PEX1: variants seen among roughly 807,000 people sequenced by gnomAD.
The protein encoded by PEX1 is peroxisomal biogenesis factor 1.
In PEX1, 97 loss-of-function variants were observed where a neutral mutation model predicts 152.5. That is an observed-to-expected ratio of 0.64 (90% CI 0.54 to 0.75). The LOEUF is 0.75. Ranked by LOEUF, PEX1 falls within the 30% of genes least tolerant of loss-of-function variation. The probability of loss-of-function intolerance (pLI) is 0.00; values close to 1 mark genes in which losing one functional copy is unlikely to be tolerated. For missense variants in PEX1, 1,357 were observed against 1,516.3 expected, an observed-to-expected ratio of 0.89 and a Z score of 1.74; for synonymous variants, 485 against 531.6, an observed-to-expected ratio of 0.91 and a Z score of 1.21.
chr7:92,502,125 G>T (rs748185213), intron 13 of PEX1, 46 bp from the exon 14 acceptor site: 2 of 1,283,088 alleles, frequency 1.6e-6, no homozygotes, highest in Non-Finnish European at 1.1e-6. Context: ...GTATTCAACT[G>T]TATATTTTTG....
At chr7:92,493,991 G>C (rs2116088942) in intron 19 of PEX1, 1 of 326,810 alleles carries the variant, frequency 3.1e-6, no homozygotes, top group Non-Finnish European at 5.8e-6. Context: ...ACAGGATAAT[G>C]GAAGTATGTA....
chr7:92,499,103 G>A (rs1305994898), intron 16 of PEX1, among the ~76,000 whole-genome samples: 1 of 152,160 alleles, frequency 6.6e-6, no homozygotes, highest in African/African-American at 2.4e-5. Context: ...TGGAGAATCA[G>A]GAACCCCCCA....
chr7:92,503,988 TCCTGTA>T (rs1239301339), intron 12 of PEX1, among the ~76,000 whole-genome samples: 1 of 152,130 alleles, frequency 6.6e-6, no homozygotes, highest in Non-Finnish European at 1.5e-5. Flanking sequence ...TATCATTACT[TCCTGTA>T]CCTCTGTGCT....
At chr7:92,520,133 G>A (rs903681721) in intron 2 of PEX1, among the ~76,000 whole-genome samples, 1 of 151,820 alleles carries the variant, frequency 6.6e-6, no homozygotes, top group African/African-American at 2.4e-5. Context: ...AAAGCAAATG[G>A]GAGTTAAAAA....
rs1792894865 is a variant in PEX1, at chr7:92,518,236, A to AG, written c.376dup (p.Leu126ProfsTer2). 1 of 1,610,536 alleles carries AG rather than the reference A, an allele frequency of 6.2e-7. No individual in the cohort carries two copies. Among genetic ancestry groups the AG allele is most frequent in the South Asian group, 1.1e-5 (1 of 90,998 alleles). The stretch of plus-strand genomic sequence containing the variant: ...AATTTGATCTAGAAGATGTTGTTCA[A>AG]GGGAAACAGCATGCAGCTCCTAGAA... On this transcript the variant is annotated frameshift_variant, in exon 4 of 24. Transcript: ENST00000248633. LOFTEE classifies it high-confidence loss of function.
At chr7:92,502,158 G>T in intron 13 of PEX1, 79 bp from the exon 14 acceptor site, 1 of 1,052,616 alleles carries the variant, frequency 9.5e-7, no homozygotes, top group Non-Finnish European at 1.4e-6. Flanking sequence ...GAGAAAATCA[G>T]GTTGACAAAT....
intron 15 of PEX1, 58 bp from the exon 16 acceptor site, chr7:92,499,896 A>T (rs1366854437): frequency 3.6e-6 from 5 of 1,404,412 alleles, no homozygotes; most frequent in Non-Finnish European, 5.0e-6. Flanking sequence ...GAAATGACTA[A>T]GTAGCAGCTA....
Position 92,522,103 on chromosome 7 carries a change from T to A in PEX1, c.272A>T (p.Gln91Leu). 6.2e-7 allele frequency: 1 copy of A among 1,613,970 alleles called. No homozygotes were observed. The highest frequency in any genetic ancestry group is 1.6e-4 in the Middle Eastern group (1 of 6,062). Residue 91 changes from glutamine to leucine, a missense_variant and splice_region_variant, in exon 2 of 24, where the codon CAG (glutamine) becomes CTG (leucine). Gln to Leu is a moderately radical substitution (Grantham distance 113, BLOSUM62 -2). Coordinates refer to ENST00000248633, the MANE Select transcript of PEX1 (RefSeq NM_000466.3). ...GTTATTGCCATCACATGTGCTTACC[T>A]GTCCCCCATTTGAGAGTCCAAGTTT... ...GQKLGLSNGG[Q>L]VFLKPCSHVV...
chr7:92,502,174 G>T, intron 13 of PEX1, 95 bp from the exon 14 acceptor site: 6 of 873,886 alleles, frequency 6.9e-6, no homozygotes, highest in Non-Finnish European at 1.1e-5. Flanking sequence ...CAAATCTATA[G>T]TGACAGAAAG....
intron 22 of PEX1, 38 bp from the exon 23 acceptor site, chr7:92,489,461 A>G: frequency 1.3e-6 from 2 of 1,588,458 alleles, no homozygotes; most frequent in Non-Finnish European, 1.7e-6. Flanking sequence ...AGTTAAATTA[A>G]GGATGTAAAA....
chr7:92,491,209 C>T (rs887764812), intron 21 of PEX1, 63 bp downstream of exon 21: 9 of 1,163,944 alleles, frequency 7.7e-6, no homozygotes, highest in Non-Finnish European at 1.2e-5. Flanking sequence ...GAAATCACTG[C>T]AACTTTACAC....
chr7:92,522,873 A>C (rs1562870410), intron 1 of PEX1, among the ~76,000 whole-genome samples: 1 of 152,208 alleles, frequency 6.6e-6, no homozygotes. Context: ...ACAAAAGGGT[A>C]AAATGTGAAG....
chr7:92,502,799 T>C (rs1255416538), intron 13 of PEX1, among the ~76,000 whole-genome samples: 1 of 152,220 alleles, frequency 6.6e-6, no homozygotes, highest in African/African-American at 2.4e-5. Flanking sequence ...CTCTCTGTTC[T>C]TTCTCATTCA....
At chr7:92,506,529 G>A in intron 10 of PEX1, 185 bp from the exon 11 acceptor site, 1 of 592,738 alleles carries the variant, frequency 1.7e-6, no homozygotes, top group East Asian at 2.9e-5. Context: ...AGCAAAACCA[G>A]ACAAAGACAA....
intron 1 of PEX1, among the ~76,000 whole-genome samples, chr7:92,525,019 G>C (rs1341438907): frequency 6.6e-6 from 1 of 152,172 alleles, no homozygotes; most frequent in East Asian, 1.9e-4. Flanking sequence ...GAACCTTATT[G>C]AGGAGGAAAA....
At chr7:92,504,603 C>A in intron 12 of PEX1, 129 bp downstream of exon 12, 4 of 927,568 alleles carry the variant, frequency 4.3e-6, no homozygotes, top group Non-Finnish European at 5.0e-6. Flanking sequence ...AGAATGCCAT[C>A]AGGGGCCTCA....
At chr7:92,503,302 C>G in intron 12 of PEX1, 107 bp from the exon 13 acceptor site, 2 of 929,364 alleles carry the variant, frequency 2.2e-6, no homozygotes, top group Non-Finnish European at 3.4e-6. Context: ...CTTTAAGGTG[C>G]AGTATGTATG....
chr7:92,499,989 C>T, intron 15 of PEX1, 151 bp from the exon 16 acceptor site: 1 of 653,370 alleles, frequency 1.5e-6, no homozygotes, highest in Non-Finnish European at 2.6e-6. Context: ...GTAGAAAATA[C>T]AATTCCTACT....
rs1337481084 is a variant in PEX1, at chr7:92,493,107, T to C, written c.3053A>G (p.Asn1018Ser). ...CAGAGGTAGAGAGTCACTGAGGACA[T>C]TTAAAATTTCAAGACGTGACACCTG... ...PDQVSRLEILNVLSDSLPLAD... is the reference protein window; with the variant it reads ...PDQVSRLEILSVLSDSLPLAD... Residue 1018 changes from asparagine (N) to serine (S), a missense_variant, in exon 20 of 24, where the codon AAT (asparagine) becomes AGT (serine). Coordinates refer to ENST00000248633, the MANE Select transcript of PEX1 (RefSeq NM_000466.3). 2 of 1,606,382 alleles carry C rather than the reference T, an allele frequency of 1.2e-6. No homozygotes were observed. The highest frequency in any genetic ancestry group is 4.5e-5 in the East Asian group (2 of 44,680).
Sources: gnomAD v4.1 joint callset for allele counts (sites outside exome capture counted in the v4.1 genomes callset) on GRCh38, gnomAD v4.1.1 for gene constraint, MANE v1.5 for transcripts, NCBI Gene and HGNC (gene_info 2026-07-23, HGNC 2026-07-21) for gene names.